Variants in TPD52 observed in about 807,000 individuals in gnomAD.
TPD52 encodes tumor protein D52, also known as prostate and colon associated protein.
TPD52 carries 17 observed loss-of-function variants against 31.3 expected under a neutral mutation model. That is an observed-to-expected ratio of 0.54 (90% CI 0.37 to 0.82). The LOEUF is 0.82. Among genes scored for constraint, TPD52 ranks in the 40% least tolerant of loss-of-function variants. TPD52 has a pLI of 0.00. For synonymous variants in TPD52, 83 were observed against 89.6 expected, an observed-to-expected ratio of 0.93 and a Z score of 0.42; for missense variants, 212 against 240.1, an observed-to-expected ratio of 0.88 and a Z score of 0.77.
At chr8:80,090,685 T>C (rs1484619065) in intron 1 of TPD52, among the ~76,000 whole-genome samples, 2 of 152,028 alleles carry the variant, frequency 1.3e-5, no homozygotes, top group Admixed American at 6.5e-5. Flanking sequence ...AAAAAGACTA[T>C]TATAGCACAG....
intron 1 of TPD52, among the ~76,000 whole-genome samples, chr8:80,134,311 G>A (rs1161151861): frequency 1.3e-5 from 2 of 152,202 alleles, no homozygotes; most frequent in African/African-American, 2.4e-5. Context: ...GGAGAGACAT[G>A]TCCCTGGGCT....
intron 5 of TPD52, chr8:80,050,214 C>T: frequency 2.6e-6 from 1 of 390,536 alleles, no homozygotes; most frequent in Non-Finnish European, 4.5e-6. Flanking sequence ...AAAATCATTT[C>T]CATATCCCTT....
At chr8:80,111,567 AC>A (rs1197583566) in intron 1 of TPD52, among the ~76,000 whole-genome samples, 9 of 152,246 alleles carry the variant, frequency 5.9e-5, no homozygotes, top group African/African-American at 2.2e-4. Flanking sequence ...CTCTACACTT[AC>A]AAAGACAAAA....
chr8:80,100,006 A>T (rs1586297448), intron 1 of TPD52, among the ~76,000 whole-genome samples: 1 of 152,204 alleles, frequency 6.6e-6, no homozygotes, highest in African/African-American at 2.4e-5. Flanking sequence ...CTTTCTGTGG[A>T]TTTCTAAGAA....
At position 80,064,504 on chromosome 8, in the gene TPD52, C is replaced by T; in HGVS notation, c.109G>A (p.Glu37Lys). The T allele has an allele frequency of 6.2e-7, 1 of 1,614,138 alleles. No homozygotes were observed. Among genetic ancestry groups the T allele is most frequent in the East Asian group, 2.2e-5 (1 of 44,886 alleles). Residue 37 changes from glutamate to lysine, a missense_variant, in exon 2 of 8, where the codon GAA (glutamate) becomes AAA (lysine). Coordinates refer to ENST00000518937, the MANE Select transcript of TPD52 (RefSeq NM_001025253.3). ...TTTGCAAGTTCTCTTCTTAGCTCTTCCTGCTCCTCTTCCGAGAGGGTCTCT... is the reference window on the plus strand; with the variant it reads ...TTTGCAAGTTCTCTTCTTAGCTCTTTCTGCTCCTCTTCCGAGAGGGTCTCT... ...ATETLSEEEQ[E>K]ELRRELAKVE...
intron 1 of TPD52, among the ~76,000 whole-genome samples, chr8:80,126,875 A>G (rs1201663909): frequency 6.6e-6 from 1 of 152,154 alleles, no homozygotes; most frequent in Non-Finnish European, 1.5e-5. Context: ...CTTTAACCCA[A>G]TACTTGGAGG....
chr8:80,068,893 C>T (rs1813451620), intron 1 of TPD52, among the ~76,000 whole-genome samples: 1 of 152,200 alleles, frequency 6.6e-6, no homozygotes, highest in Admixed American at 6.5e-5. Context: ...TGGTTATCAC[C>T]TGCAAACATG....
At chr8:80,116,517 T>C (rs1385992418) in intron 1 of TPD52, among the ~76,000 whole-genome samples, 2 of 152,138 alleles carry the variant, frequency 1.3e-5, no homozygotes, top group East Asian at 3.8e-4. Context: ...ACCACCCACA[T>C]GCAAAGGCCT....
chr8:80,107,200 A>T (rs1807196671), intron 1 of TPD52, among the ~76,000 whole-genome samples: 1 of 152,210 alleles, frequency 6.6e-6, no homozygotes, highest in African/African-American at 2.4e-5. Flanking sequence ...ACCTGCACTA[A>T]ACCAGACCTG....
downstream of TPD52, chr8:80,032,880 T>A (rs1191242362): frequency 6.6e-6 from 1 of 152,356 alleles, no homozygotes; most frequent in African/African-American, 2.4e-5. Context: ...TGCTCATGCC[T>A]GCTGGGCTCA....
intron 1 of TPD52, among the ~76,000 whole-genome samples, chr8:80,098,101 G>A (rs1222532989): frequency 6.6e-6 from 1 of 152,204 alleles, no homozygotes; most frequent in Non-Finnish European, 1.5e-5. Flanking sequence ...GAGAGCTACT[G>A]CTCAGATAAA....
At chr8:80,103,769 G>A (rs1177827251) in intron 1 of TPD52, among the ~76,000 whole-genome samples, 1 of 152,184 alleles carries the variant, frequency 6.6e-6, no homozygotes, top group Non-Finnish European at 1.5e-5. Context: ...AAACAAGACT[G>A]GGTTTTGCAG....
intron 1 of TPD52, among the ~76,000 whole-genome samples, chr8:80,105,599 G>A (rs974728687): frequency 6.6e-6 from 1 of 152,048 alleles, no homozygotes; most frequent in African/African-American, 2.4e-5. Flanking sequence ...GCCGAATAAA[G>A]CCCTTCCTTC....
At chr8:80,077,009 G>A (rs1814634773) in intron 1 of TPD52, among the ~76,000 whole-genome samples, 1 of 151,656 alleles carries the variant, frequency 6.6e-6, no homozygotes, top group Admixed American at 6.6e-5. Flanking sequence ...CGGCCCAGTG[G>A]CTCACGCCTG....
intron 1 of TPD52, among the ~76,000 whole-genome samples, chr8:80,106,554 C>T (rs920997452): frequency 1.3e-5 from 2 of 151,926 alleles, no homozygotes; most frequent in African/African-American, 4.8e-5. Context: ...GAGGGGGTTT[C>T]ACCGTGTTAG....
chr8:80,138,467 G>T (rs972457671), intron 1 of TPD52, among the ~76,000 whole-genome samples: 1 of 152,164 alleles, frequency 6.6e-6, no homozygotes, highest in Admixed American at 6.5e-5. Context: ...CTTATGGTTT[G>T]CAATTATAAA....
chr8:80,118,125 G>C (rs188442580), intron 1 of TPD52, among the ~76,000 whole-genome samples: 48 of 152,250 alleles, frequency 3.2e-4, no homozygotes, highest in Admixed American at 9.2e-4. Flanking sequence ...TAGGTCAATG[G>C]AATAGAATTC....
At chr8:80,131,495 C>T (rs551373763) in intron 1 of TPD52, among the ~76,000 whole-genome samples, 1 of 152,282 alleles carries the variant, frequency 6.6e-6, no homozygotes. Flanking sequence ...GTCTTCCAAT[C>T]CCTCCACTCT....
intron 1 of TPD52, among the ~76,000 whole-genome samples, chr8:80,142,174 G>A (rs1014047078): frequency 6.6e-6 from 1 of 152,152 alleles, no homozygotes; most frequent in Non-Finnish European, 1.5e-5. Context: ...ATTCTGTCAT[G>A]TGTTGCAATT....
Sources: gnomAD v4.1 joint callset for allele counts (sites outside exome capture counted in the v4.1 genomes callset) on GRCh38, gnomAD v4.1.1 for gene constraint, MANE v1.5 for transcripts, NCBI Gene and HGNC (gene_info 2026-07-23, HGNC 2026-07-21) for gene names.